The following LPGAT1 variants were observed in gnomAD, a reference collection of about 807,000 sequenced individuals.
The protein encoded by LPGAT1 is acyl-CoA:lysophosphatidylglycerol acyltransferase 1.
Under a neutral mutation model 47.5 loss-of-function variants are expected in LPGAT1, and 11 were observed. The observed-to-expected ratio is 0.23, with a 90% CI of 0.15 to 0.38. LPGAT1 has a LOEUF of 0.38. LPGAT1 is among the 10% of genes least tolerant of loss of function. The pLI, the probability that LPGAT1 is intolerant of heterozygous loss-of-function variation, is 1.00. For synonymous variants in LPGAT1, 138 were observed against 144.2 expected (o/e 0.96, Z 0.31); for missense variants, 293 against 439.0 (o/e 0.67, Z 2.97).
At chr1:211,803,254 G>A (rs1379401261) in intron 2 of LPGAT1, 1 of 152,178 alleles carries the variant, frequency 6.6e-6, no homozygotes. Flanking sequence ...TGAAGATATT[G>A]GATGGTATGT....
chr1:211,824,810 C>T (rs138067619), intron 2 of LPGAT1, among the ~76,000 whole-genome samples: 1 of 152,270 alleles, frequency 6.6e-6, no homozygotes, highest in East Asian at 1.9e-4. Flanking sequence ...ATTTTTGAAA[C>T]TTTCCGTAGA....
chr1:211,755,482 G>C (rs1055743317), intron 6 of LPGAT1, among the ~76,000 whole-genome samples: 7 of 151,638 alleles, frequency 4.6e-5, no homozygotes, highest in Admixed American at 4.6e-4. Flanking sequence ...TCTTTCTCTT[G>C]TTATTTAAAC....
At chr1:211,809,201 A>G (rs557805000) in intron 2 of LPGAT1, among the ~76,000 whole-genome samples, 19 of 149,342 alleles carry the variant, frequency 1.3e-4, no homozygotes, top group African/African-American at 4.7e-4. Flanking sequence ...CGAGACTCCA[A>G]AAAAAAAAAA....
At position 211,750,054 on chromosome 1, in the gene LPGAT1, AAAGAC is replaced by A. The variant is rs1657110034; in HGVS notation, c.962-9_962-5del. 2 of 1,610,320 alleles carry A rather than the reference AAAGAC, an allele frequency of 1.2e-6. No homozygotes were observed. Among genetic ancestry groups the A allele is most frequent in the East Asian group, 2.2e-5 (1 of 44,872 alleles). On this transcript the variant is annotated splice_region_variant and splice_polypyrimidine_tract_variant and intron_variant, in intron 7 of 7. Transcript: ENST00000366997. Reference sequence around the variant, plus strand: ...CCCTTGGAAGGTGGAAAAGCTCCTAAAAGACAAGATAGAAATATTAGTTTGTTTTA... The same window carrying A: ...CCCTTGGAAGGTGGAAAAGCTCCTAAAAGATAGAAATATTAGTTTGTTTTA...
intron 5 of LPGAT1, among the ~76,000 whole-genome samples, chr1:211,779,453 T>A (rs1239894014): frequency 6.6e-6 from 1 of 151,428 alleles, no homozygotes; most frequent in East Asian, 2.0e-4. Context: ...TAATATAATA[T>A]AAACACCAAG....
rs372279094 is a variant in LPGAT1, at chr1:211,761,779, T to C, written c.855-10712A>G. On this transcript the variant is annotated intron_variant, in intron 6 of 7. Transcript: ENST00000366997. ...CCCAGAACTTCAATTTATGTATGCATATTACAGACAACTTATTGTTTCTAA... is the reference window on the plus strand; with the variant it reads ...CCCAGAACTTCAATTTATGTATGCACATTACAGACAACTTATTGTTTCTAA... 3.3e-5 allele frequency among the ~76,000 whole-genome samples: 5 copies of C among 152,254 alleles called. No individual in the cohort carries two copies. The East Asian group carries it at 5.8e-4, about 18-fold the overall frequency.
chr1:211,754,505 G>A (rs1405389069), intron 6 of LPGAT1, among the ~76,000 whole-genome samples: 1 of 152,020 alleles, frequency 6.6e-6, no homozygotes, highest in East Asian at 1.9e-4. Flanking sequence ...TTTTATGGGG[G>A]TTTTAGGAGA....
rs1310848477 is a variant in LPGAT1, at chr1:211,829,214, T to C, written c.83A>G (p.Asn28Ser). Reference protein sequence around the residue: ...ALMRFAFMVVNNLVAIPSYIC... With the variant: ...ALMRFAFMVVSNLVAIPSYIC... The stretch of plus-strand genomic sequence containing the variant: ...GTAGGATGGAATAGCAACCAGGTTG[T>C]TGACGACCATGAAGGCAAACCTCAT... Residue 28 changes from asparagine to serine, a missense_variant, in exon 2 of 8, where the codon AAC becomes AGC. Physicochemically the swap from Asn to Ser is conservative, Grantham distance 46. Coordinates refer to ENST00000366997, the MANE Select transcript of LPGAT1 (RefSeq NM_014873.3). 1.9e-6 allele frequency: 3 copies of C among 1,614,230 alleles called. No homozygotes were observed. Among genetic ancestry groups the C allele is most frequent in the Non-Finnish European group, 2.5e-6 (3 of 1,180,038 alleles).
intron 6 of LPGAT1, among the ~76,000 whole-genome samples, chr1:211,772,345 T>G (rs1658206574): frequency 6.6e-6 from 1 of 152,202 alleles, no homozygotes; most frequent in African/African-American, 2.4e-5. Context: ...AAACTTGACA[T>G]CTAGTAGGAA....
chr1:211,824,264 T>C (rs972500324), intron 2 of LPGAT1, among the ~76,000 whole-genome samples: 8 of 152,114 alleles, frequency 5.3e-5, no homozygotes, highest in Non-Finnish European at 2.9e-5. Context: ...GGCACGGTGG[T>C]GGATACCTGT....
intron 6 of LPGAT1, among the ~76,000 whole-genome samples, chr1:211,776,332 T>C (rs1658398561): frequency 6.6e-6 from 1 of 151,934 alleles, no homozygotes; most frequent in South Asian, 2.1e-4. Flanking sequence ...AGGTCAGGAG[T>C]TCGAGACCAG....
intron 2 of LPGAT1, among the ~76,000 whole-genome samples, chr1:211,812,032 G>A (rs1478619073): frequency 6.6e-6 from 1 of 152,164 alleles, no homozygotes; most frequent in Non-Finnish European, 1.5e-5. Flanking sequence ...TTTGCTCACT[G>A]ATACCACTTC....
intron 2 of LPGAT1, chr1:211,802,867 G>T (rs1243372710): frequency 6.6e-6 from 1 of 152,058 alleles, no homozygotes; most frequent in African/African-American, 2.4e-5. Flanking sequence ...AAATCAAAGA[G>T]AAGAGCCAAC....
chr1:211,827,109 T>C (rs1208689136), intron 2 of LPGAT1, among the ~76,000 whole-genome samples: 1 of 152,246 alleles, frequency 6.6e-6, no homozygotes, highest in Admixed American at 6.5e-5. Context: ...CCAGGCTCTC[T>C]GAAATCAAGT....
chr1:211,827,202 A>G (rs1474903106), intron 2 of LPGAT1, among the ~76,000 whole-genome samples: 2 of 152,360 alleles, frequency 1.3e-5, no homozygotes, highest in East Asian at 3.9e-4. Flanking sequence ...AAATTGTCAA[A>G]ATTCAGTAGC....
chr1:211,753,927 GTCTCT>G (rs1657320996), intron 6 of LPGAT1, among the ~76,000 whole-genome samples: 1 of 152,094 alleles, frequency 6.6e-6, no homozygotes, highest in African/African-American at 2.4e-5. Flanking sequence ...ATTAAAATTG[GTCTCT>G]TCTCTTAAAC....
intron 2 of LPGAT1, among the ~76,000 whole-genome samples, chr1:211,797,714 G>T (rs571056279): frequency 6.6e-6 from 1 of 151,986 alleles, no homozygotes; most frequent in Admixed American, 6.5e-5. Context: ...CTTAACCAAG[G>T]GATAGAAAAG....
intron 2 of LPGAT1, among the ~76,000 whole-genome samples, chr1:211,795,095 A>C (rs890940339): frequency 5.3e-5 from 8 of 152,310 alleles, no homozygotes; most frequent in African/African-American, 1.9e-4. Flanking sequence ...TACAAGATGG[A>C]AAAGTTTTAG....
intron 2 of LPGAT1, among the ~76,000 whole-genome samples, chr1:211,806,259 CAA>C (rs141014104): frequency 3.1e-4 from 27 of 88,144 alleles, no homozygotes; most frequent in Non-Finnish European, 3.1e-4. Flanking sequence ...GGGTCTGTCT[CAA>C]AAAAAAAAAA....
Sources: gnomAD v4.1 joint callset for allele counts (sites outside exome capture counted in the v4.1 genomes callset) on GRCh38, gnomAD v4.1.1 for gene constraint, MANE v1.5 for transcripts, NCBI Gene and HGNC (gene_info 2026-07-23, HGNC 2026-07-21) for gene names.